ATAD2: variants seen among roughly 807,000 people sequenced by gnomAD.
ATAD2 encodes the protein ATPase family AAA domain containing 2.
Under a neutral mutation model 168.9 loss-of-function variants are expected in ATAD2, and 62 were observed. The ratio of observed to expected loss-of-function variants is 0.37; its 90% CI spans 0.30 to 0.45. The LOEUF (loss-of-function observed/expected upper bound fraction) is 0.45. ATAD2 is among the 20% of genes least tolerant of loss of function. ATAD2 has a pLI of 1.00. For missense variants in ATAD2, 1,419 were observed against 1,667.8 expected (o/e 0.85, Z 2.60); for synonymous variants, 613 against 571.6 (o/e 1.07, Z -1.03).
At chr8:123,406,762 A>G (rs1233623425) in intron 1 of ATAD2, among the ~76,000 whole-genome samples, 1 of 149,492 alleles carries the variant, frequency 6.7e-6, no homozygotes, top group Non-Finnish European at 1.5e-5. Context: ...GGCTGCAGTG[A>G]GCCGAGATCT....
chr8:123,334,077 A>T (rs1041383609), intron 23 of ATAD2, 56 bp from the exon 24 acceptor site: 9 of 1,581,916 alleles, frequency 5.7e-6, no homozygotes, highest in Non-Finnish European at 7.7e-6. Context: ...AAATTACATG[A>T]AGGATTAACT....
chr8:123,394,986 A>T (rs1026122975), intron 1 of ATAD2, among the ~76,000 whole-genome samples: 50 of 152,226 alleles, frequency 3.3e-4, no homozygotes, highest in Admixed American at 1.0e-3. Context: ...GATACTGGCA[A>T]CTAATTTTAT....
chr8:123,411,854 G>T (rs1246197702), intron 1 of ATAD2, among the ~76,000 whole-genome samples: 1 of 152,092 alleles, frequency 6.6e-6, no homozygotes, highest in Non-Finnish European at 1.5e-5. Context: ...CAATATGGCA[G>T]ATTAGAAACT....
At chr8:123,372,837 T>A in intron 2 of ATAD2, 151 bp from the exon 3 acceptor site, 1 of 510,774 alleles carries the variant, frequency 2.0e-6, no homozygotes, top group Non-Finnish European at 3.3e-6. Context: ...AAGCAATACC[T>A]CCCACCTCAG....
chr8:123,365,175 A>G (rs1335743375), intron 8 of ATAD2, among the ~76,000 whole-genome samples: 1 of 152,196 alleles, frequency 6.6e-6, no homozygotes, highest in Non-Finnish European at 1.5e-5. Flanking sequence ...AACCCCTTTT[A>G]CAATAGCTGC....
chr8:123,350,197 T>A (rs975437461), intron 13 of ATAD2, among the ~76,000 whole-genome samples: 2 of 152,168 alleles, frequency 1.3e-5, no homozygotes, highest in Non-Finnish European at 2.9e-5. Flanking sequence ...AAAGACAGAA[T>A]AGTAAAATGA....
chr8:123,369,245 T>C lies in ATAD2; in HGVS notation c.932-70A>G, dbSNP rs993757578. ...TATGGCATACAAATATGTATGAAGA[T>C]AATTTTGCTCTTCATCTAAATACTT... On this transcript the variant is annotated intron_variant, in intron 7 of 27. Transcript: ENST00000287394. The C allele has an allele frequency of 8.5e-6, 5 of 585,936 alleles. No homozygotes were observed. In the Admixed American group the frequency reaches 2.3e-4, roughly 28 times the overall value. 36.3% of individuals were successfully genotyped at this position (585,936 alleles called of 1,614,324 possible). A position where few individuals can be genotyped will look rare whatever the true frequency, so the allele number is the denominator to read the frequency against.
intron 1 of ATAD2, among the ~76,000 whole-genome samples, chr8:123,395,176 C>CA (rs1247079668): frequency 6.6e-6 from 1 of 152,162 alleles, no homozygotes; most frequent in East Asian, 1.9e-4. Flanking sequence ...TGCCTACCCT[C>CA]ACTCACTCCA....
intron 12 of ATAD2, among the ~76,000 whole-genome samples, chr8:123,357,263 T>C (rs1011684829): frequency 4.6e-5 from 7 of 152,214 alleles, no homozygotes; most frequent in African/African-American, 1.4e-4. Flanking sequence ...ACTCCCATAC[T>C]GAGCCATAAT....
rs571558832 is a variant in ATAD2, at chr8:123,412,908, A to C, written c.-2282+3340T>G. The stretch of plus-strand genomic sequence containing the variant: ...AAAATGCCTGCTTAAGAAAGCTCAA[A>C]GCTCCCAGGAAAATTTACTATTTGT... On this transcript the variant is annotated intron_variant, in intron 1 of 28. Coordinates refer to the ATAD2 transcript ENST00000521903. Among the ~76,000 whole-genome samples, 4 of 152,226 alleles carry C rather than the reference A, an allele frequency of 2.6e-5. No homozygotes were observed. In the East Asian group the frequency reaches 7.7e-4, roughly 29 times the overall value.
At chr8:123,340,597 G>GCGGT (rs1828034095) in intron 19 of ATAD2, among the ~76,000 whole-genome samples, 1 of 152,184 alleles carries the variant, frequency 6.6e-6, no homozygotes, top group Non-Finnish European at 1.5e-5. Flanking sequence ...GATACAAAAT[G>GCGGT]CGGTATATAC....
upstream of ATAD2, among the ~76,000 whole-genome samples, chr8:123,397,240 C>CAAAAAAAAAAAAAAAAAAAAAAAAA: frequency 2.5e-5 from 1 of 40,034 alleles, no homozygotes; most frequent in Non-Finnish European, 5.8e-5. Flanking sequence ...GACTCTGTCT[C>CAAAAAAAAAAAAAAAAAAAAAAAAA]AAAAAAAAAA....
intron 25 of ATAD2, among the ~76,000 whole-genome samples, chr8:123,326,686 C>G (rs952784584): frequency 6.6e-6 from 1 of 151,756 alleles, no homozygotes; most frequent in South Asian, 2.1e-4. Context: ...TCAAAACAAA[C>G]AAACCAACCC....
upstream of ATAD2, chr8:123,400,757 T>C (rs1269829939): frequency 2.5e-6 from 2 of 786,714 alleles, no homozygotes; most frequent in Non-Finnish European, 4.6e-6. This position sits in a 1 kb window ranked among gnomAD's most constrained non-coding sequence, Gnocchi z 4.5. Flanking sequence ...AAGATCACGC[T>C]GAAGACGCCG....
chr8:123,370,579 G>T (rs1489072923), intron 6 of ATAD2, among the ~76,000 whole-genome samples: 1 of 151,996 alleles, frequency 6.6e-6, no homozygotes, highest in Non-Finnish European at 1.5e-5. Flanking sequence ...ATAGATTATG[G>T]TAATTAAGTC....
intron 15 of ATAD2, among the ~76,000 whole-genome samples, 188 bp from the exon 16 acceptor site, chr8:123,347,594 A>C (rs1399287989): frequency 6.6e-6 from 1 of 152,222 alleles, no homozygotes; most frequent in Admixed American, 6.6e-5. Flanking sequence ...AATGGCCATC[A>C]ACAATCAATC....
Position 123,347,234 on chromosome 8 carries a change from G to C in ATAD2, c.2070C>G (p.Ser690=). The stretch of plus-strand genomic sequence containing the variant: ...GCCCAGGTGATGTCACAGCTCTTTG[G>C]GAGGCTGGTATCATCTTTTGCATAG... ...EVAMQKMIPA[S]QRAVTSPGQA... Residue 690 remains serine (S), a synonymous_variant, in exon 16 of 28, where the codon TCC becomes TCG. Coordinates refer to ENST00000287394, the MANE Select transcript of ATAD2 (RefSeq NM_014109.4). The C allele has an allele frequency of 6.2e-7, 1 of 1,614,104 alleles. No homozygotes were observed. The highest frequency in any genetic ancestry group is 8.5e-7 in the Non-Finnish European group (1 of 1,180,024).
Position 123,404,820 on chromosome 8 carries a change from G to A in ATAD2, c.-2281-3645C>T, listed in dbSNP as rs181729719. 2.1e-3 allele frequency among the ~76,000 whole-genome samples: 317 copies of A among 152,136 alleles called. 1 individual carries two copies. Among genetic ancestry groups the A allele is most frequent in the African/African-American group, 7.3e-3 (303 of 41,502 alleles). On this transcript the variant is annotated intron_variant, in intron 1 of 28. Transcript: ENST00000521903. ...CTCCCAAAGTGCTGGGATTACAGGC[G>A]TGAGCCACCGCGCCCAGCCCCCCCT...
upstream of ATAD2, among the ~76,000 whole-genome samples, chr8:123,398,911 A>G (rs1159668352): frequency 6.6e-6 from 1 of 152,256 alleles, no homozygotes; most frequent in Admixed American, 6.5e-5. Context: ...ACAATATTTA[A>G]AGTAGTACAG....
Sources: allele counts gnomAD v4.1 joint callset (sites outside exome capture counted in the v4.1 genomes callset), GRCh38; gene constraint gnomAD v4.1.1; non-coding constraint Gnocchi (gnomAD v3.1); transcripts MANE v1.5; gene names NCBI Gene and HGNC (gene_info 2026-07-23, HGNC 2026-07-21).